The following ACOXL variants were observed in gnomAD, a reference collection of about 807,000 sequenced individuals.
The protein encoded by ACOXL is acyl-CoA oxidase like.
Under a neutral mutation model 71.9 loss-of-function variants are expected in ACOXL, and 70 were observed. The observed-to-expected ratio is 0.97, with a 90% confidence interval of 0.80 to 1.19. The LOEUF (loss-of-function observed/expected upper bound fraction) is 1.19. Ranked by LOEUF, ACOXL falls within the 50% of genes most tolerant of loss-of-function variation. The pLI is 0.00. For synonymous variants in ACOXL, 253 were observed against 281.6 expected (o/e 0.90, Z 1.02); for missense variants, 703 against 736.3 (o/e 0.95, Z 0.52).
rs183452005 is a variant in ACOXL at position 111,003,376 on chromosome 2, C to T, written c.1281+7372C>T. 3.3e-3 allele frequency among the ~76,000 whole-genome samples: 498 copies of T among 151,028 alleles called. 2 individuals carry two copies. Among genetic ancestry groups the T allele is most frequent in the Non-Finnish European group, 6.2e-3 (422 of 67,714 alleles). ...CAGCCTGGCCAACATGGTGAAACCC[C>T]GTCTCTACTAAAGATTAAAAAAAAA... On this transcript the variant is annotated intron_variant, in intron 14 of 17. Transcript: ENST00000439055.
intron 16 of ACOXL, among the ~76,000 whole-genome samples, chr2:111,068,756 C>G (rs1432339402): frequency 6.6e-6 from 1 of 152,180 alleles, no homozygotes. Flanking sequence ...TTTTTGACCC[C>G]AACACCACTA....
intron 1 of ACOXL, among the ~76,000 whole-genome samples, chr2:110,763,097 T>A (rs1680611400): frequency 6.6e-6 from 1 of 152,246 alleles, no homozygotes; most frequent in Non-Finnish European, 1.5e-5. Flanking sequence ...TATTCTATGT[T>A]CATGGAGAGG....
chr2:110,817,921 G>T (rs533273920), intron 9 of ACOXL, among the ~76,000 whole-genome samples: 15 of 145,720 alleles, frequency 1.0e-4, no homozygotes, highest in African/African-American at 2.8e-4. Context: ...TTGCCGTCTC[G>T]TCCAAGTTTT....
intron 10 of ACOXL, among the ~76,000 whole-genome samples, chr2:110,860,607 T>C (rs1351442865): frequency 6.6e-6 from 1 of 152,208 alleles, no homozygotes; most frequent in East Asian, 1.9e-4. Context: ...CGGGAAAAGA[T>C]CAGTGTGTGT....
intron 9 of ACOXL, among the ~76,000 whole-genome samples, chr2:110,816,559 G>A (rs1186874148): frequency 6.6e-6 from 1 of 152,144 alleles, no homozygotes. Flanking sequence ...TTTATTTCCT[G>A]CAGTGCTTAC....
chr2:111,049,164 A>G, intron 15 of ACOXL, 54 bp from the exon 16 acceptor site: 1 of 1,360,320 alleles, frequency 7.4e-7, no homozygotes. Context: ...TCACATCAGA[A>G]GGGCTCTGAG....
rs550710019 is a variant in ACOXL at position 111,000,324 on chromosome 2, C to T, written c.1281+4320C>T. On this transcript the variant is annotated intron_variant, in intron 14 of 17. Transcript: ENST00000439055. ...GTGATCTAGCAAAGGAGATGTCCATCCCGCAAGTTGAAGGTGTTGCCTGCC... is the reference window on the plus strand; with the variant it reads ...GTGATCTAGCAAAGGAGATGTCCATTCCGCAAGTTGAAGGTGTTGCCTGCC... Among the ~76,000 whole-genome samples the T allele has an allele frequency of 3.3e-5, 5 of 152,244 alleles. No individual in the cohort carries two copies. In the South Asian group the frequency reaches 1.0e-3, roughly 32 times the overall value.
intron 12 of ACOXL, among the ~76,000 whole-genome samples, chr2:110,943,515 G>A (rs2060976239): frequency 6.6e-6 from 1 of 152,086 alleles, no homozygotes; most frequent in Non-Finnish European, 1.5e-5. Flanking sequence ...GAGCACCTGG[G>A]GAAGCTTCCC....
At chr2:111,081,371 C>A (rs1430531310) in intron 16 of ACOXL, among the ~76,000 whole-genome samples, 1 of 152,132 alleles carries the variant, frequency 6.6e-6, no homozygotes, top group African/African-American at 2.4e-5. Flanking sequence ...TTCCTATACA[C>A]CAATAACATA....
intron 15 of ACOXL, among the ~76,000 whole-genome samples, chr2:111,036,575 C>T (rs190608848): frequency 3.9e-5 from 6 of 152,250 alleles, no homozygotes; most frequent in Non-Finnish European, 5.9e-5. Context: ...TTCAGTCACA[C>T]GGCCAAATCC....
At chr2:110,747,962 C>A (rs1019204999) in intron 1 of ACOXL, among the ~76,000 whole-genome samples, 5 of 152,326 alleles carry the variant, frequency 3.3e-5, no homozygotes, top group African/African-American at 1.2e-4. Flanking sequence ...ATATGGTTCT[C>A]ACTCTGTCTT....
chr2:111,008,700 TCTC>T lies in ACOXL; in HGVS notation c.1281+12701_1281+12703del, dbSNP rs372682143. ...GTAGTTTTGTTAGGTATTGCCAAAT[TCTC>T]CTCCAGAGGATTTGTACAGTTTTCA... On this transcript the variant is annotated intron_variant, in intron 14 of 17. Coordinates refer to ENST00000439055, the MANE Select transcript of ACOXL (RefSeq NM_001142807.4). 5.8e-4 allele frequency among the ~76,000 whole-genome samples: 88 copies of T among 152,318 alleles called. 1 individual carries two copies. The East Asian group carries it at 0.016, about 27-fold the overall frequency.
chr2:111,111,841 T>C lies in ACOXL; in HGVS notation c.1543-5775T>C, dbSNP rs368751283. ...ACCTGCGCCAAGTTTACTAAATCCT[T>C]CCATCTTAGAGATAAGGAAGGTAGT... On this transcript the variant is annotated intron_variant, in intron 17 of 17. Transcript: ENST00000439055. 5.9e-5 allele frequency among the ~76,000 whole-genome samples: 9 copies of C among 152,318 alleles called. No homozygotes were observed. In the South Asian group the frequency reaches 8.3e-4, roughly 14 times the overall value.
chr2:111,054,267 T>C (rs933352493), intron 16 of ACOXL, among the ~76,000 whole-genome samples: 2 of 152,182 alleles, frequency 1.3e-5, no homozygotes, highest in African/African-American at 4.8e-5. Context: ...TGCTCCTAAG[T>C]TGCAACCTTT....
At chr2:110,813,650 T>C (rs144886286) in intron 9 of ACOXL, among the ~76,000 whole-genome samples, 16 of 152,302 alleles carry the variant, frequency 1.1e-4, no homozygotes, top group South Asian at 8.3e-4. Context: ...CCATGTAGCA[T>C]AGATGCTTGT....
chr2:110,959,571 G>A (rs2061624242), intron 12 of ACOXL, among the ~76,000 whole-genome samples: 1 of 152,070 alleles, frequency 6.6e-6, no homozygotes, highest in African/African-American at 2.4e-5. Context: ...TGCCACACCT[G>A]TCCTGGTCTT....
chr2:110,765,904 A>G (rs558673923), intron 1 of ACOXL, among the ~76,000 whole-genome samples: 2 of 152,172 alleles, frequency 1.3e-5, no homozygotes, highest in South Asian at 4.1e-4. Flanking sequence ...TGATTCTATT[A>G]TTTCATCTAT....
At chr2:110,740,795 T>C (rs906890317) in intron 1 of ACOXL, among the ~76,000 whole-genome samples, 6 of 152,222 alleles carry the variant, frequency 3.9e-5, no homozygotes, top group African/African-American at 1.4e-4. Flanking sequence ...ACTGGCCCTG[T>C]CCTTTGGAAG....
chr2:110,874,252 G>A (rs1369337543), intron 10 of ACOXL, among the ~76,000 whole-genome samples: 2 of 152,204 alleles, frequency 1.3e-5, no homozygotes, highest in Non-Finnish European at 1.5e-5. Context: ...GGGAGAGTGG[G>A]CACGACATTT....
Sources: allele counts gnomAD v4.1 joint callset (sites outside exome capture counted in the v4.1 genomes callset), GRCh38; gene constraint gnomAD v4.1.1; transcripts MANE v1.5; gene names NCBI Gene and HGNC (gene_info 2026-07-23, HGNC 2026-07-21).